CAST: variants seen among roughly 807,000 people sequenced by gnomAD.
CAST encodes the protein MIR583 host.
CAST carries 76 observed loss-of-function variants against 119.6 expected under a neutral mutation model. The ratio of observed to expected loss-of-function variants is 0.64; its 90% confidence interval spans 0.53 to 0.77. The LOEUF (loss-of-function observed/expected upper bound fraction) is 0.77, where lower values mean the gene tolerates loss of function less well. Ranked by LOEUF, CAST falls within the 30% of genes least tolerant of loss-of-function variation. The probability of loss-of-function intolerance (pLI) is 0.00; values close to 1 mark genes in which losing one functional copy is unlikely to be tolerated. For synonymous variants in CAST, 319 were observed against 331.6 expected (o/e 0.96, Z 0.41); for missense variants, 953 against 946.5 (o/e 1.01, Z -0.09).
the CAST span, among the ~76,000 whole-genome samples, chr5:96,098,520 C>T: frequency 6.6e-6 from 1 of 152,138 alleles, no homozygotes; most frequent in South Asian, 2.1e-4. Context: ...GGAAGGGGTC[C>T]AGTTTCAATC....
At chr5:96,165,458 T>C in the CAST span, among the ~76,000 whole-genome samples, 1 of 152,190 alleles carries the variant, frequency 6.6e-6, no homozygotes, top group Admixed American at 6.5e-5. Context: ...TATAATTTCT[T>C]CTTTTTCCCT....
At chr5:96,715,097 G>A (rs1756963414) in intron 3 of CAST, 1 of 152,152 alleles carries the variant, frequency 6.6e-6, no homozygotes, top group Admixed American at 6.5e-5. Context: ...CAAAGCTCAT[G>A]TGCTCTGCAC....
At chr5:96,707,107 T>C (rs1026512376) in intron 3 of CAST, among the ~76,000 whole-genome samples, 1 of 152,216 alleles carries the variant, frequency 6.6e-6, no homozygotes, top group Non-Finnish European at 1.5e-5. Context: ...ATTTTCTCAA[T>C]CTAGTTTCTA....
chr5:96,261,540 A>G, the CAST span, among the ~76,000 whole-genome samples: 32 of 152,348 alleles, frequency 2.1e-4, no homozygotes, highest in South Asian at 6.6e-3. Context: ...AGCAGGATTT[A>G]CAGTAAGTAC....
At chr5:96,325,153 G>A in the CAST span, among the ~76,000 whole-genome samples, 1 of 152,070 alleles carries the variant, frequency 6.6e-6, no homozygotes. Flanking sequence ...GCGGTTACCT[G>A]AGATCACACC....
At chr5:96,500,287 A>T in the CAST span, among the ~76,000 whole-genome samples, 1 of 152,248 alleles carries the variant, frequency 6.6e-6, no homozygotes, top group Non-Finnish European at 1.5e-5. Flanking sequence ...TTTGTAAAAA[A>T]TGCAATATCT....
chr5:96,053,165 C>G, the CAST span, among the ~76,000 whole-genome samples: 3 of 152,158 alleles, frequency 2.0e-5, no homozygotes, highest in Non-Finnish European at 2.9e-5. Context: ...TCAATATTGG[C>G]TATACATTGG....
chr5:96,298,455 G>C, the CAST span, among the ~76,000 whole-genome samples: 1 of 152,130 alleles, frequency 6.6e-6, no homozygotes, highest in African/African-American at 2.4e-5. Context: ...GATGCAGAAA[G>C]GGTATTTGAC....
chr5:96,267,216 G>A, the CAST span, among the ~76,000 whole-genome samples: 1 of 152,104 alleles, frequency 6.6e-6, no homozygotes, highest in African/African-American at 2.4e-5. Context: ...AATTATTGAT[G>A]TTCAAGAGGG....
At chr5:96,091,758 C>G in the CAST span, among the ~76,000 whole-genome samples, 2 of 152,148 alleles carry the variant, frequency 1.3e-5, no homozygotes, top group African/African-American at 4.8e-5. Context: ...CCTGCCTCAG[C>G]CTCCCAAAGT....
chr5:96,436,965 G>A, the CAST span, among the ~76,000 whole-genome samples: 5 of 152,320 alleles, frequency 3.3e-5, no homozygotes, highest in South Asian at 8.3e-4. Flanking sequence ...GATGGAAATA[G>A]ACATGCTTGC....
At chr5:96,123,065 G>C in the CAST span, among the ~76,000 whole-genome samples, 1 of 151,766 alleles carries the variant, frequency 6.6e-6, no homozygotes, top group African/African-American at 2.4e-5. Context: ...TGAACTAATG[G>C]GATGGTTGTT....
At chr5:96,228,595 AT>A in the CAST span, among the ~76,000 whole-genome samples, 351 of 152,318 alleles carry the variant, frequency 2.3e-3, no homozygotes, top group Non-Finnish European at 3.3e-3. Context: ...GCTAATACGC[AT>A]AAATTTTATA....
At chr5:96,534,309 A>T (rs1313480081) in intron 1 of CAST, among the ~76,000 whole-genome samples, 1 of 152,198 alleles carries the variant, frequency 6.6e-6, no homozygotes, top group Non-Finnish European at 1.5e-5. Context: ...AATGTAACAG[A>T]GTATGAAAAC....
At chr5:95,969,921 G>A in the CAST span, among the ~76,000 whole-genome samples, 5 of 152,092 alleles carry the variant, frequency 3.3e-5, no homozygotes, top group Non-Finnish European at 7.4e-5. Flanking sequence ...AAGAGGATGA[G>A]AAAAAGAATT....
intron 9 of CAST, among the ~76,000 whole-genome samples, chr5:96,732,695 T>C (rs1313746351): frequency 1.3e-5 from 2 of 152,166 alleles, no homozygotes; most frequent in Non-Finnish European, 2.9e-5. Flanking sequence ...AAGGATTCCC[T>C]ATTTAATAAA....
At chr5:96,045,267 C>T in the CAST span, among the ~76,000 whole-genome samples, 1 of 151,706 alleles carries the variant, frequency 6.6e-6, no homozygotes, top group Admixed American at 6.6e-5. Context: ...TCAGGAGAAT[C>T]GCTTGAACCC....
At chr5:96,601,863 G>T (rs4869295) in intron 1 of CAST, among the ~76,000 whole-genome samples, 1 of 151,998 alleles carries the variant, frequency 6.6e-6, no homozygotes, top group Non-Finnish European at 1.5e-5. Context: ...GATAAGCACC[G>T]TAATGCTAAT....
At chr5:96,600,897 G>C (rs1000570964) in intron 1 of CAST, among the ~76,000 whole-genome samples, 1 of 152,052 alleles carries the variant, frequency 6.6e-6, no homozygotes, top group African/African-American at 2.4e-5. Context: ...TAGAGAAATA[G>C]CCACCAATGA....
Sources: gnomAD v4.1 joint callset for allele counts (sites outside exome capture counted in the v4.1 genomes callset) on GRCh38, gnomAD v4.1.1 for gene constraint, MANE v1.5 for transcripts, NCBI Gene and HGNC (gene_info 2026-07-23, HGNC 2026-07-21) for gene names.